DLGAP1: variants seen among roughly 807,000 people sequenced by gnomAD.
DLGAP1 encodes the protein DLG associated protein 1, also known as disks large-associated protein 1.
In DLGAP1, 11 loss-of-function variants were observed where a neutral mutation model predicts 90.8. The ratio of observed to expected loss-of-function variants is 0.12; its 90% CI spans 0.08 to 0.20. The LOEUF (loss-of-function observed/expected upper bound fraction) is 0.20, where lower values mean the gene tolerates loss of function less well. Among genes scored for constraint, DLGAP1 ranks in the 10% least tolerant of loss-of-function variants. The pLI is 1.00. For missense variants in DLGAP1, 1,050 were observed against 1,333.8 expected (o/e 0.79, Z 3.31); for synonymous variants, 558 against 540.7 (o/e 1.03, Z -0.44).
chr18:4,207,214 G>A (rs2077737740), intron 1 of DLGAP1, among the ~76,000 whole-genome samples: 1 of 152,110 alleles, frequency 6.6e-6, no homozygotes, highest in South Asian at 2.1e-4. Context: ...GAGGCCTCAG[G>A]GAACTTACAA....
intron 1 of DLGAP1, among the ~76,000 whole-genome samples, chr18:4,381,812 CT>C (rs1167202658): frequency 6.6e-6 from 1 of 152,088 alleles, no homozygotes; most frequent in Non-Finnish European, 1.5e-5. Context: ...TGTTTTCATG[CT>C]GCTGATAAAG....
Position 4,188,600 on chromosome 18 carries a change from G to A in DLGAP1, c.-266-37313C>T, listed in dbSNP as rs527987146. 3.3e-3 allele frequency among the ~76,000 whole-genome samples: 503 copies of A among 152,154 alleles called. 4 individuals carry two copies. The highest frequency in any genetic ancestry group is 0.011 in the African/African-American group (452 of 41,514). On this transcript the variant is annotated intron_variant, in intron 1 of 12. Coordinates refer to ENST00000315677, the MANE Select transcript of DLGAP1 (RefSeq NM_004746.4). ...CTGTTCCTGTGTTAGCTTGCTGAGG[G>A]TGATGGTTTCCAGCTTCATCCATGT...
chr18:4,100,530 T>C (rs965501882), intron 2 of DLGAP1, among the ~76,000 whole-genome samples: 9 of 152,194 alleles, frequency 5.9e-5, no homozygotes, highest in Admixed American at 3.3e-4. Flanking sequence ...TAAATGCGCA[T>C]TGGCTTCAAC....
intron 1 of DLGAP1, among the ~76,000 whole-genome samples, chr18:4,204,013 T>C (rs1250832363): frequency 6.6e-6 from 1 of 152,194 alleles, no homozygotes; most frequent in East Asian, 1.9e-4. Context: ...GCTTCTAGAT[T>C]TGACTGTCAA....
chr18:3,701,028 A>G (rs1462752745), intron 7 of DLGAP1, among the ~76,000 whole-genome samples: 2 of 152,062 alleles, frequency 1.3e-5, no homozygotes, highest in African/African-American at 4.8e-5. Flanking sequence ...ACAGGAGTGC[A>G]CTCTGCCATA....
At chr18:3,957,761 G>T (rs2073111084) in intron 3 of DLGAP1, among the ~76,000 whole-genome samples, 1 of 152,044 alleles carries the variant, frequency 6.6e-6, no homozygotes, top group Admixed American at 6.5e-5. Context: ...GAAATTGAAG[G>T]AATTTCTATC....
intron 7 of DLGAP1, among the ~76,000 whole-genome samples, chr18:3,628,395 C>T (rs556374586): frequency 5.9e-5 from 9 of 151,898 alleles, no homozygotes; most frequent in South Asian, 2.1e-4. Context: ...TGACCATGTC[C>T]GCCAGGGGTC....
chr18:4,082,341 C>CA (rs34416813), intron 2 of DLGAP1, among the ~76,000 whole-genome samples: 19,688 of 78,638 alleles, frequency 0.25, 2,877 homozygotes, highest in Non-Finnish European at 0.31. Context: ...GACTCCATCT[C>CA]AAAAAAAAAA....
At position 4,311,695 on chromosome 18, in the gene DLGAP1, C is replaced by G. The variant is rs150363126; in HGVS notation, c.-267+143311G>C. 2.3e-3 allele frequency among the ~76,000 whole-genome samples: 348 copies of G among 152,146 alleles called. 3 individuals are homozygous for G. The highest frequency in any genetic ancestry group is 7.9e-3 in the African/African-American group (330 of 41,522). On this transcript the variant is annotated intron_variant, in intron 1 of 12. Transcript: ENST00000315677. The stretch of plus-strand genomic sequence containing the variant: ...CTAAATTTAATCTAGATATGTGCTC[C>G]TCTAGATCCAATGCCAACTAAATAT...
chr18:4,117,028 A>C (rs895772931), intron 2 of DLGAP1, among the ~76,000 whole-genome samples: 2 of 152,192 alleles, frequency 1.3e-5, no homozygotes, highest in Non-Finnish European at 2.9e-5. Context: ...AATTAGGTAA[A>C]ATGAGGTCAT....
chr18:3,568,613 G>A (rs951069792), intron 8 of DLGAP1, among the ~76,000 whole-genome samples: 11 of 152,008 alleles, frequency 7.2e-5, no homozygotes, highest in Non-Finnish European at 1.3e-4. Context: ...AGTCTCCCAA[G>A]AATTATTGTC....
chr18:3,725,789 T>C (rs558776318), intron 7 of DLGAP1, among the ~76,000 whole-genome samples: 1 of 152,258 alleles, frequency 6.6e-6, no homozygotes, highest in African/African-American at 2.4e-5. Context: ...CATCCTTAAT[T>C]TTTCCTGATT....
At chr18:3,646,760 TA>T (rs1448641534) in intron 7 of DLGAP1, among the ~76,000 whole-genome samples, 1 of 151,404 alleles carries the variant, frequency 6.6e-6, no homozygotes, top group Non-Finnish European at 1.5e-5. Flanking sequence ...TCGTCTCTAC[TA>T]AAAAATACAA....
At chr18:4,298,941 C>T (rs1410061739) in intron 1 of DLGAP1, among the ~76,000 whole-genome samples, 4 of 151,654 alleles carry the variant, frequency 2.6e-5, no homozygotes, top group Admixed American at 6.6e-5. Context: ...ATTAGCCAAG[C>T]GTGGTGGCAG....
intron 4 of DLGAP1, among the ~76,000 whole-genome samples, chr18:3,832,681 T>TC (rs898899372): frequency 9.9e-5 from 15 of 152,062 alleles, no homozygotes; most frequent in Non-Finnish European, 1.3e-4. Context: ...TTTTTTTTTT[T>TC]CCCAGGAGGG....
intron 7 of DLGAP1, among the ~76,000 whole-genome samples, chr18:3,644,002 C>G (rs761446625): frequency 6.6e-6 from 1 of 152,232 alleles, no homozygotes. Context: ...CACACAAAAA[C>G]TGTACTTCTT....
Position 3,499,128 on chromosome 18 carries a change from A to C in DLGAP1, c.*57T>G. 106 of 1,365,088 alleles carry C rather than the reference A, an allele frequency of 7.8e-5. No homozygotes were observed. The highest frequency in any genetic ancestry group is 9.2e-5 in the Non-Finnish European group (96 of 1,039,490). The allele number at this position is 1,365,088 out of a possible 1,614,324, so 84.6% of individuals were successfully genotyped here. A position where few individuals can be genotyped will look rare whatever the true frequency, so the allele number is the denominator to read the frequency against. On this transcript the variant is annotated 3_prime_UTR_variant, in exon 13 of 13. Coordinates refer to ENST00000315677, the MANE Select transcript of DLGAP1 (RefSeq NM_004746.4). The surrounding 1 kb of genome is among the most constrained non-coding windows in gnomAD (Gnocchi z 6.4). ...GAGGGGGAGAGGCAGCCGGCAGAGG[A>C]GCGGCCGGGGGAGGAGGGGACAGAT...
At chr18:3,554,236 A>G (rs1316904605) in intron 9 of DLGAP1, among the ~76,000 whole-genome samples, 2 of 152,178 alleles carry the variant, frequency 1.3e-5, no homozygotes, top group Admixed American at 1.3e-4. Context: ...GCATGGGGCC[A>G]CTGGCGGAGG....
chr18:4,022,408 T>TAC (rs10626913), intron 2 of DLGAP1, among the ~76,000 whole-genome samples: 113,003 of 149,060 alleles, frequency 0.76, 43,235 homozygotes, highest in Non-Finnish European at 0.82. Flanking sequence ...TTCTACCTTT[T>TAC]ACACACACAC....
Sources: allele counts gnomAD v4.1 joint callset (sites outside exome capture counted in the v4.1 genomes callset), GRCh38; gene constraint gnomAD v4.1.1; non-coding constraint Gnocchi (gnomAD v3.1); transcripts MANE v1.5; gene names NCBI Gene and HGNC (gene_info 2026-07-23, HGNC 2026-07-21).